PKNOX2: variants seen among roughly 807,000 people sequenced by gnomAD.
PKNOX2 encodes the protein PBX/knotted 1 homeobox 2, also known as homeobox protein PKNOX2.
Under a neutral mutation model 53.1 loss-of-function variants are expected in PKNOX2, and 14 were observed. The ratio of observed to expected loss-of-function variants is 0.26; its 90% CI spans 0.17 to 0.41. PKNOX2 has a LOEUF of 0.41. Ranked by LOEUF, PKNOX2 falls within the 10% of genes least tolerant of loss-of-function variation. The probability of loss-of-function intolerance (pLI) is 1.00; values close to 1 mark genes in which losing one functional copy is unlikely to be tolerated. For synonymous variants in PKNOX2, 257 were observed against 242.8 expected, an observed-to-expected ratio of 1.06 and a Z score of -0.54; for missense variants, 496 against 602.8, an observed-to-expected ratio of 0.82 and a Z score of 1.85.
intron 1 of PKNOX2, among the ~76,000 whole-genome samples, chr11:125,168,972 C>T (rs879673709): frequency 5.9e-5 from 9 of 152,168 alleles, no homozygotes; most frequent in Admixed American, 4.6e-4. Flanking sequence ...CTTTTGTTCC[C>T]GATTTATTTA....
At chr11:125,265,850 C>T (rs987539396) in intron 2 of PKNOX2, among the ~76,000 whole-genome samples, 6 of 152,178 alleles carry the variant, frequency 3.9e-5, no homozygotes, top group African/African-American at 7.2e-5. Context: ...GAGGAATAGG[C>T]GTTCCTCTCC....
chr11:125,279,719 C>T (rs1946422285), intron 2 of PKNOX2, among the ~76,000 whole-genome samples: 1 of 152,196 alleles, frequency 6.6e-6, no homozygotes, highest in African/African-American at 2.4e-5. Flanking sequence ...GCCCCTTTTG[C>T]CACCCAGAGT....
At chr11:125,183,065 C>T (rs1279596273) in intron 1 of PKNOX2, among the ~76,000 whole-genome samples, 1 of 152,154 alleles carries the variant, frequency 6.6e-6, no homozygotes, top group Admixed American at 6.5e-5. Context: ...GTAACTCATT[C>T]GAAGCTCCAC....
chr11:125,191,396 A>G (rs946134581), intron 1 of PKNOX2: 1 of 152,216 alleles, frequency 6.6e-6, no homozygotes, highest in African/African-American at 2.4e-5. Context: ...AACCAAAGAG[A>G]GCAAGCCAGG....
At chr11:125,288,179 C>T (rs978055945) in intron 2 of PKNOX2, 1 of 152,222 alleles carries the variant, frequency 6.6e-6, no homozygotes, top group Non-Finnish European at 1.5e-5. Flanking sequence ...AGTCCTGGAC[C>T]TTTCTGTCCA....
At chr11:125,212,251 G>A (rs1354765973) in intron 1 of PKNOX2, among the ~76,000 whole-genome samples, 1 of 152,026 alleles carries the variant, frequency 6.6e-6, no homozygotes, top group Non-Finnish European at 1.5e-5. Context: ...CCAGTCTTAT[G>A]TGTGCTGAAC....
intron 2 of PKNOX2, among the ~76,000 whole-genome samples, chr11:125,258,043 A>G (rs1214769268): frequency 6.6e-6 from 1 of 152,162 alleles, no homozygotes; most frequent in African/African-American, 2.4e-5. Context: ...CTGGGGTTTT[A>G]GGACCCCAGA....
At chr11:125,354,692 T>C (rs1338218264) in intron 4 of PKNOX2, among the ~76,000 whole-genome samples, 1 of 152,212 alleles carries the variant, frequency 6.6e-6, no homozygotes, top group Non-Finnish European at 1.5e-5. Flanking sequence ...AAATTAGAAT[T>C]TTTTTTCAAG....
At chr11:125,388,312 T>C (rs1012131974) in intron 6 of PKNOX2, among the ~76,000 whole-genome samples, 2 of 152,200 alleles carry the variant, frequency 1.3e-5, no homozygotes, top group South Asian at 2.1e-4. Flanking sequence ...AGCTGCCAAG[T>C]GCCACAGCCA....
chr11:125,223,394 T>C (rs1941405628), intron 1 of PKNOX2, among the ~76,000 whole-genome samples: 1 of 152,148 alleles, frequency 6.6e-6, no homozygotes. Flanking sequence ...CATGCCCAGC[T>C]AACTTTTTCT....
intron 6 of PKNOX2, among the ~76,000 whole-genome samples, chr11:125,395,763 T>C (rs2135444013): frequency 6.6e-6 from 1 of 152,314 alleles, no homozygotes; most frequent in East Asian, 1.9e-4. Flanking sequence ...GACCATGTTC[T>C]AATTGGGTTG....
At chr11:125,252,632 A>G (rs1472129284) in intron 2 of PKNOX2, among the ~76,000 whole-genome samples, 3 of 152,106 alleles carry the variant, frequency 2.0e-5, no homozygotes, top group Non-Finnish European at 2.9e-5. Flanking sequence ...GGTTTGGGCA[A>G]CTGGTGAATG....
In PKNOX2 at chr11:125,240,898, T is replaced by C. The variant is rs903260036; in HGVS notation, c.-130+5783T>C. Among the ~76,000 whole-genome samples the C allele has an allele frequency of 1.3e-5, 2 of 152,210 alleles. No homozygotes were observed. The highest frequency in any genetic ancestry group is 4.8e-5 in the African/African-American group (2 of 41,466). ...AGCTAGCCATTTCTCCAGGGATAGTTGCATGGATCAAAGAGGAAAATACCT... is the reference window on the plus strand; with the variant it reads ...AGCTAGCCATTTCTCCAGGGATAGTCGCATGGATCAAAGAGGAAAATACCT... On this transcript the variant is annotated intron_variant, in intron 2 of 12. Coordinates refer to ENST00000298282, the MANE Select transcript of PKNOX2 (RefSeq NM_001382323.2). This position sits in a 1 kb window ranked among gnomAD's most constrained non-coding sequence, Gnocchi z 4.3.
chr11:125,175,849 T>C (rs765903556), intron 1 of PKNOX2, among the ~76,000 whole-genome samples: 5 of 152,216 alleles, frequency 3.3e-5, no homozygotes. Flanking sequence ...TGTATGTGGA[T>C]GTGTTATACA....
At chr11:125,243,963 C>T (rs368230685) in intron 2 of PKNOX2, among the ~76,000 whole-genome samples, 1 of 152,172 alleles carries the variant, frequency 6.6e-6, no homozygotes, top group Non-Finnish European at 1.5e-5. Flanking sequence ...TACCAGTGTG[C>T]ACTGCCAGGG....
chr11:125,233,035 T>C (rs1942362173), intron 1 of PKNOX2, among the ~76,000 whole-genome samples: 1 of 152,194 alleles, frequency 6.6e-6, no homozygotes, highest in Non-Finnish European at 1.5e-5. Context: ...GTAATGAGAT[T>C]GTGGGCATTT....
chr11:125,359,356 T>C (rs148539440), intron 4 of PKNOX2, among the ~76,000 whole-genome samples: 1 of 152,304 alleles, frequency 6.6e-6, no homozygotes, highest in East Asian at 1.9e-4. Flanking sequence ...CCACCTTCCC[T>C]TGCTTTGACT....
chr11:125,300,156 T>C (rs1591518475), intron 2 of PKNOX2, among the ~76,000 whole-genome samples: 1 of 152,216 alleles, frequency 6.6e-6, no homozygotes, highest in Non-Finnish European at 1.5e-5. Flanking sequence ...ATCCTGATTT[T>C]GGAGTGGCTT....
chr11:125,286,605 C>T (rs1591513012), intron 2 of PKNOX2, among the ~76,000 whole-genome samples: 1 of 152,230 alleles, frequency 6.6e-6, no homozygotes, highest in East Asian at 1.9e-4. Flanking sequence ...GCCCTCCTCC[C>T]CACTGCCAGG....
Sources: gnomAD v4.1 joint callset for allele counts (sites outside exome capture counted in the v4.1 genomes callset) on GRCh38, gnomAD v4.1.1 for gene constraint, Gnocchi (gnomAD v3.1) non-coding constraint, MANE v1.5 for transcripts, NCBI Gene and HGNC (gene_info 2026-07-23, HGNC 2026-07-21) for gene names.